CFAP61: variants seen among roughly 807,000 people sequenced by gnomAD.
CFAP61 encodes cilia- and flagella-associated protein 61.
Under a neutral mutation model 135.6 loss-of-function variants are expected in CFAP61, and 107 were observed. The observed-to-expected ratio is 0.79, with a 90% confidence interval of 0.67 to 0.93. The LOEUF is 0.93. Ranked by LOEUF, CFAP61 falls within the 40% of genes least tolerant of loss-of-function variation. The pLI is 0.00. For missense variants in CFAP61, 1,507 were observed against 1,556.2 expected, an observed-to-expected ratio of 0.97 and a Z score of 0.53; for synonymous variants, 575 against 578.5, an observed-to-expected ratio of 0.99 and a Z score of 0.09.
chr20:20,236,324 C>T (rs182609284), intron 18 of CFAP61, among the ~76,000 whole-genome samples: 1 of 152,258 alleles, frequency 6.6e-6, no homozygotes, highest in East Asian at 1.9e-4. Flanking sequence ...GTAATTCCAA[C>T]ATGCAGGTGG....
intron 7 of CFAP61, among the ~76,000 whole-genome samples, chr20:20,091,929 G>A (rs1288062193): frequency 4.6e-5 from 7 of 152,256 alleles, no homozygotes; most frequent in African/African-American, 1.2e-4. Context: ...TGATCCGCCC[G>A]CCTTGGCCTC....
chr20:20,116,671 C>T (rs770754084), intron 8 of CFAP61, among the ~76,000 whole-genome samples: 3 of 152,118 alleles, frequency 2.0e-5, no homozygotes, highest in East Asian at 1.9e-4. Context: ...AGTCACCCTA[C>T]TGATCTATCA....
At chr20:20,130,407 T>C (rs1017148041) in intron 8 of CFAP61, among the ~76,000 whole-genome samples, 3 of 151,856 alleles carry the variant, frequency 2.0e-5, no homozygotes, top group Admixed American at 1.3e-4. Context: ...CTTTATCAAT[T>C]TGAGAGGACC....
At chr20:20,340,996 T>C (rs889378108) in intron 25 of CFAP61, among the ~76,000 whole-genome samples, 3 of 152,066 alleles carry the variant, frequency 2.0e-5, no homozygotes, top group African/African-American at 7.2e-5. Context: ...TTTTACGTCT[T>C]GGAAAACGGA....
At chr20:20,224,428 C>A (rs1313941295) in intron 17 of CFAP61, among the ~76,000 whole-genome samples, 1 of 152,072 alleles carries the variant, frequency 6.6e-6, no homozygotes, top group Non-Finnish European at 1.5e-5. Flanking sequence ...TCCTTTCCTA[C>A]CTAAGCAATG....
intron 13 of CFAP61, among the ~76,000 whole-genome samples, chr20:20,171,251 C>G (rs1036565434): frequency 2.6e-5 from 4 of 152,164 alleles, no homozygotes; most frequent in African/African-American, 9.7e-5. Context: ...CTGCCTTGAG[C>G]CAGTTCTGTC....
intron 8 of CFAP61, among the ~76,000 whole-genome samples, chr20:20,129,358 T>G (rs889460307): frequency 1.3e-5 from 2 of 151,802 alleles, no homozygotes; most frequent in Non-Finnish European, 2.9e-5. Context: ...CCAAAGGAAG[T>G]TTTTTAATTT....
intron 2 of CFAP61, among the ~76,000 whole-genome samples, chr20:20,059,326 CAAAAAAAAA>C (rs11458923): frequency 4.4e-5 from 2 of 45,484 alleles, no homozygotes; most frequent in East Asian, 9.2e-4. Context: ...GACTCTGTCT[CAAAAAAAAA>C]AAAAAAAAAA....
intron 25 of CFAP61, among the ~76,000 whole-genome samples, chr20:20,331,877 G>A (rs895687445): frequency 6.6e-6 from 1 of 152,186 alleles, no homozygotes; most frequent in African/African-American, 2.4e-5. Context: ...GAAAATGGTT[G>A]TGCTCTCTAT....
rs146407925 is a variant in CFAP61, at chr20:20,232,390, AAAG to A, written c.2060+4031_2060+4033del. Among the ~76,000 whole-genome samples, 1,251 of 151,988 alleles carry A rather than the reference AAAG, an allele frequency of 8.2e-3. 13 individuals carry two copies. Among genetic ancestry groups the A allele is most frequent in the African/African-American group, 0.028 (1,163 of 41,324 alleles). On this transcript the variant is annotated intron_variant, in intron 18 of 26. Coordinates refer to ENST00000245957, the MANE Select transcript of CFAP61 (RefSeq NM_015585.4). ...AATGCTATAGCAAAATAGAAAAAAA[AAAG>A]AAGAAGAAGAAGAAGAGAAGGAGCC...
intron 8 of CFAP61, among the ~76,000 whole-genome samples, chr20:20,105,481 T>G (rs142991888): frequency 2.1e-4 from 32 of 152,316 alleles, no homozygotes; most frequent in African/African-American, 7.0e-4. Flanking sequence ...TTTTCTTTCC[T>G]TCTCCTAGAT....
chr20:20,201,320 G>A (rs1032005487), intron 17 of CFAP61, among the ~76,000 whole-genome samples: 3 of 152,196 alleles, frequency 2.0e-5, no homozygotes, highest in Admixed American at 6.5e-5. Context: ...GAATGCCCAC[G>A]CACTCAGCAC....
chr20:20,092,385 T>G (rs1207712541), intron 7 of CFAP61, among the ~76,000 whole-genome samples: 2 of 152,236 alleles, frequency 1.3e-5, no homozygotes, highest in African/African-American at 4.8e-5. Flanking sequence ...CACCCTCTAA[T>G]TCATGATTCT....
chr20:20,173,833 A>G (rs904966056), intron 13 of CFAP61, among the ~76,000 whole-genome samples: 4 of 152,210 alleles, frequency 2.6e-5, no homozygotes, highest in African/African-American at 9.7e-5. Flanking sequence ...ATGGAGAGCA[A>G]TGAGATGATA....
At chr20:20,237,323 T>C (rs763843650) in intron 18 of CFAP61, among the ~76,000 whole-genome samples, 3 of 152,126 alleles carry the variant, frequency 2.0e-5, no homozygotes, top group Non-Finnish European at 4.4e-5. Flanking sequence ...CGAGACTTGC[T>C]CCTTGCCCCG....
chr20:20,270,473 AG>A (rs1355075322), intron 21 of CFAP61, among the ~76,000 whole-genome samples: 1 of 152,220 alleles, frequency 6.6e-6, no homozygotes, highest in African/African-American at 2.4e-5. Context: ...TATGACTAAA[AG>A]AATTAGCACT....
intron 3 of CFAP61, among the ~76,000 whole-genome samples, chr20:20,071,961 G>A (rs75250316): frequency 0.01 from 1,554 of 152,142 alleles, 23 homozygotes; most frequent in African/African-American, 0.035. Context: ...CAATTCTGTA[G>A]GAATGGTGAT....
intron 25 of CFAP61, among the ~76,000 whole-genome samples, chr20:20,330,579 C>T (rs1007044702): frequency 3.9e-5 from 6 of 152,202 alleles, no homozygotes; most frequent in African/African-American, 1.4e-4. Context: ...TCAAGTGATC[C>T]GCCTGCCTCA....
At chr20:20,159,484 C>G (rs1187280778) in intron 10 of CFAP61, 40 bp downstream of exon 10, 5 of 1,552,218 alleles carry the variant, frequency 3.2e-6, no homozygotes, top group Non-Finnish European at 4.4e-6. Context: ...TTCTAGCCAC[C>G]CCATGGGTTT....
Sources: gnomAD v4.1 joint callset for allele counts (sites outside exome capture counted in the v4.1 genomes callset) on GRCh38, gnomAD v4.1.1 for gene constraint, MANE v1.5 for transcripts, NCBI Gene and HGNC (gene_info 2026-07-23, HGNC 2026-07-21) for gene names.